The following SAMSN1 variants were observed in gnomAD, a reference collection of about 807,000 sequenced individuals.
SAMSN1 encodes the protein SAM domain-containing protein SAMSN-1.
SAMSN1 carries 31 observed loss-of-function variants against 42.0 expected under a neutral mutation model. That is an observed-to-expected ratio of 0.74 (90% confidence interval 0.55 to 1.00). The LOEUF is 1.00. Among genes scored for constraint, SAMSN1 ranks in the 50% least tolerant of loss-of-function variants. SAMSN1 has a pLI of 0.00. For missense variants in SAMSN1, 464 were observed against 439.4 expected (o/e 1.06, Z -0.50); for synonymous variants, 178 against 151.9 (o/e 1.17, Z -1.26).
intron 5 of SAMSN1, among the ~76,000 whole-genome samples, chr21:14,508,990 C>T (rs927109045): frequency 5.3e-5 from 8 of 151,946 alleles, no homozygotes; most frequent in East Asian, 1.9e-4. Flanking sequence ...TAGCTGGGTG[C>T]GGTGGCCTCC....
intron 5 of SAMSN1, among the ~76,000 whole-genome samples, chr21:14,606,434 T>C (rs1982573289): frequency 6.6e-6 from 1 of 152,186 alleles, no homozygotes; most frequent in South Asian, 2.1e-4. Context: ...TGAAATTATC[T>C]TTAATTAAAT....
chr21:14,515,114 A>G (rs532083878), intron 3 of SAMSN1, among the ~76,000 whole-genome samples: 1 of 152,314 alleles, frequency 6.6e-6, no homozygotes, highest in Admixed American at 6.5e-5. Context: ...GGAAATCAGC[A>G]CTTGGGTCAA....
chr21:14,610,501 C>T (rs567836205), intron 4 of SAMSN1, among the ~76,000 whole-genome samples: 150 of 152,284 alleles, frequency 9.9e-4, no homozygotes, highest in African/African-American at 3.3e-3. Flanking sequence ...GATCTTTTGT[C>T]GCCCTTGAAG....
chr21:14,511,583 T>C (rs1987690294), intron 4 of SAMSN1, among the ~76,000 whole-genome samples: 1 of 152,210 alleles, frequency 6.6e-6, no homozygotes, highest in Non-Finnish European at 1.5e-5. Flanking sequence ...GGTCTTGCCA[T>C]ACATCTTCAG....
intron 6 of SAMSN1, among the ~76,000 whole-genome samples, chr21:14,601,357 C>A (rs144645308): frequency 6.6e-6 from 1 of 152,162 alleles, no homozygotes; most frequent in Admixed American, 6.5e-5. Context: ...GTGAGCCCCC[C>A]CTTCCTCACC....
At chr21:14,507,743 G>A (rs1367826641) in intron 5 of SAMSN1, among the ~76,000 whole-genome samples, 1 of 151,656 alleles carries the variant, frequency 6.6e-6, no homozygotes, top group East Asian at 1.9e-4. Flanking sequence ...CATAGCCAAA[G>A]CAAACTTGAG....
chr21:14,627,533 A>G (rs1321143438), intron 2 of SAMSN1, among the ~76,000 whole-genome samples: 3 of 152,168 alleles, frequency 2.0e-5, no homozygotes, highest in Non-Finnish European at 4.4e-5. Context: ...CTCCAAACTG[A>G]TCTAGAATTG....
At chr21:14,490,485 T>C (rs1452093147) in intron 7 of SAMSN1, among the ~76,000 whole-genome samples, 5 of 152,184 alleles carry the variant, frequency 3.3e-5, no homozygotes, top group East Asian at 1.9e-4. Flanking sequence ...CAGGTAACTA[T>C]GGCTATATTT....
chr21:14,490,837 C>T (rs923724073), intron 7 of SAMSN1, among the ~76,000 whole-genome samples: 8 of 151,910 alleles, frequency 5.3e-5, no homozygotes, highest in African/African-American at 1.9e-4. Flanking sequence ...TGGAAATAAA[C>T]CTTTTCGCTT....
intron 2 of SAMSN1, among the ~76,000 whole-genome samples, chr21:14,623,594 G>A (rs982232052): frequency 1.3e-5 from 2 of 152,020 alleles, no homozygotes; most frequent in African/African-American, 2.4e-5. Context: ...AATATATATG[G>A]ACCCAAAACA....
intron 6 of SAMSN1, among the ~76,000 whole-genome samples, chr21:14,596,743 C>G (rs958800394): frequency 5.9e-5 from 9 of 152,052 alleles, no homozygotes; most frequent in African/African-American, 9.7e-5. Context: ...CTACCTATAG[C>G]CATGAGAGGG....
intron 2 of SAMSN1, among the ~76,000 whole-genome samples, chr21:14,567,455 T>A (rs1981159596): frequency 6.6e-6 from 1 of 152,192 alleles, no homozygotes; most frequent in Non-Finnish European, 1.5e-5. Context: ...TTGTGGTTTG[T>A]TAATACCCTT....
At position 14,540,014 on chromosome 21, in the gene SAMSN1, A is replaced by G. The variant is rs1009783662; in HGVS notation, c.57+6191T>C. On this transcript the variant is annotated intron_variant, in intron 1 of 7. Transcript: ENST00000400566. ...CATATCTACAACTATCTGATCTTTG[A>G]CAAACCTGAGAAAACAAGCAATGGG... Among the ~76,000 whole-genome samples, 6 of 152,222 alleles carry G rather than the reference A, an allele frequency of 3.9e-5. No homozygotes were observed. The East Asian group carries it at 5.8e-4, about 15-fold the overall frequency.
intron 2 of SAMSN1, among the ~76,000 whole-genome samples, chr21:14,621,506 C>A (rs572242583): frequency 1.2e-4 from 18 of 152,342 alleles, no homozygotes; most frequent in East Asian, 3.9e-4. Context: ...TATCCCACAC[C>A]TGGCTCAGAG....
chr21:14,611,069 T>A (rs955679844), intron 4 of SAMSN1, among the ~76,000 whole-genome samples: 6 of 151,980 alleles, frequency 3.9e-5, no homozygotes, highest in Admixed American at 3.3e-4. Context: ...GAAACTACAG[T>A]CATGTGCCAC....
intron 2 of SAMSN1, chr21:14,642,894 CTT>C: frequency 1.7e-6 from 1 of 584,942 alleles, no homozygotes. Context: ...AAAGGAATAA[CTT>C]TCTGAGAACA....
At chr21:14,540,519 G>A (rs1296519058) in intron 1 of SAMSN1, among the ~76,000 whole-genome samples, 20 of 152,084 alleles carry the variant, frequency 1.3e-4, no homozygotes, top group Non-Finnish European at 2.9e-5. Flanking sequence ...GCAGCCAAAA[G>A]ACACATGAAA....
At chr21:14,544,720 A>G (rs1485584518) in intron 1 of SAMSN1, among the ~76,000 whole-genome samples, 3 of 152,176 alleles carry the variant, frequency 2.0e-5, no homozygotes, top group African/African-American at 7.2e-5. Flanking sequence ...GTATTATAAT[A>G]GTTACTGCTC....
exon 2 of SAMSN1, chr21:14,643,020 T>C (rs754113437): frequency 1.4e-6 from 1 of 717,176 alleles, no homozygotes; most frequent in African/African-American, 1.7e-5. Flanking sequence ...GATTGTTTGG[T>C]GTTTGTTCAC....
Sources: gnomAD v4.1 joint callset for allele counts (sites outside exome capture counted in the v4.1 genomes callset) on GRCh38, gnomAD v4.1.1 for gene constraint, MANE v1.5 for transcripts, NCBI Gene and HGNC (gene_info 2026-07-23, HGNC 2026-07-21) for gene names.